COL19A1: variants seen among roughly 807,000 people sequenced by gnomAD.
COL19A1 encodes the protein collagen alpha-1(XIX) chain.
In COL19A1, 159 loss-of-function variants were observed where a neutral mutation model predicts 190.2. The ratio of observed to expected loss-of-function variants is 0.84; its 90% CI spans 0.73 to 0.95. COL19A1 has a LOEUF of 0.95. Ranked by LOEUF, COL19A1 falls within the 40% of genes least tolerant of loss-of-function variation. COL19A1 has a pLI of 0.00. For synonymous variants in COL19A1, 509 were observed against 458.9 expected (o/e 1.11, Z -1.39); for missense variants, 1,418 against 1,431.9 (o/e 0.99, Z 0.16).
At chr6:70,005,810 G>A (rs776725639) in intron 11 of COL19A1, among the ~76,000 whole-genome samples, 3 of 152,120 alleles carry the variant, frequency 2.0e-5, no homozygotes, top group African/African-American at 7.2e-5. Flanking sequence ...CCCTGCCCAG[G>A]GGCTCATGCC....
At chr6:70,100,379 G>T (rs1025395341) in intron 15 of COL19A1, among the ~76,000 whole-genome samples, 1 of 152,044 alleles carries the variant, frequency 6.6e-6, no homozygotes, top group Non-Finnish European at 1.5e-5. Context: ...CTAGAACATG[G>T]TGTACATGTG....
intron 40 of COL19A1, among the ~76,000 whole-genome samples, chr6:70,170,279 A>G (rs964820124): frequency 3.4e-5 from 5 of 145,956 alleles, no homozygotes; most frequent in African/African-American, 4.9e-5. Context: ...TCCTGTAGGG[A>G]AAAATAATAG....
chr6:69,958,302 C>T (rs1304947909), intron 9 of COL19A1, among the ~76,000 whole-genome samples: 1 of 152,084 alleles, frequency 6.6e-6, no homozygotes, highest in Non-Finnish European at 1.5e-5. Context: ...TATGCCATAT[C>T]TCATGATCGT....
chr6:70,009,359 A>G (rs1045394768), intron 11 of COL19A1, among the ~76,000 whole-genome samples: 7 of 152,098 alleles, frequency 4.6e-5, no homozygotes, highest in African/African-American at 1.7e-4. Context: ...TATACAAGCA[A>G]CAATCAATCA....
chr6:69,981,986 C>T (rs1776058721), intron 11 of COL19A1, among the ~76,000 whole-genome samples: 1 of 151,996 alleles, frequency 6.6e-6, no homozygotes, highest in Non-Finnish European at 1.5e-5. Flanking sequence ...CAATAATACA[C>T]AAATGAAATG....
At chr6:70,042,724 T>C (rs1779693217) in intron 14 of COL19A1, among the ~76,000 whole-genome samples, 1 of 152,230 alleles carries the variant, frequency 6.6e-6, no homozygotes, top group Non-Finnish European at 1.5e-5. Flanking sequence ...TTGGAGTCAA[T>C]CCTCTCAAAT....
chr6:70,159,678 A>T (rs980591910), intron 34 of COL19A1, among the ~76,000 whole-genome samples: 24 of 152,160 alleles, frequency 1.6e-4, no homozygotes, highest in Non-Finnish European at 1.5e-5. Flanking sequence ...GATGCAAAGA[A>T]ACTTGATCCA....
chr6:70,167,231 C>A (rs1049644222), intron 37 of COL19A1, among the ~76,000 whole-genome samples: 3 of 152,146 alleles, frequency 2.0e-5, no homozygotes, highest in African/African-American at 7.2e-5. Flanking sequence ...CATACAGAAA[C>A]AATGAAACAG....
At chr6:69,925,567 G>T (rs916317195) in intron 4 of COL19A1, among the ~76,000 whole-genome samples, 2 of 152,070 alleles carry the variant, frequency 1.3e-5, no homozygotes, top group African/African-American at 2.4e-5. Context: ...TTGGCAATGC[G>T]GGCTCTTTTT....
intron 2 of COL19A1, chr6:69,890,787 G>A (rs1250247820): frequency 1.3e-5 from 2 of 153,182 alleles, no homozygotes; most frequent in African/African-American, 4.8e-5. Flanking sequence ...GAGTGGTCAG[G>A]GAAGGCTGCC....
intron 11 of COL19A1, among the ~76,000 whole-genome samples, chr6:70,021,612 C>G (rs1285977657): frequency 1.3e-5 from 2 of 152,072 alleles, no homozygotes; most frequent in Non-Finnish European, 2.9e-5. Flanking sequence ...TATTTGTGAG[C>G]CTTTTAATTC....
chr6:70,133,096 C>T (rs1264734096), intron 18 of COL19A1, among the ~76,000 whole-genome samples: 1 of 152,132 alleles, frequency 6.6e-6, no homozygotes, highest in African/African-American at 2.4e-5. Context: ...ATTCTTAGCA[C>T]CTGGTCTTGC....
chr6:70,142,181 C>T lies in COL19A1; in HGVS notation c.1572+105C>T, dbSNP rs79063536. On this transcript the variant is annotated intron_variant, in intron 22 of 50. Transcript: ENST00000620364. ...ATGCCACTCATTTTCTTCACAAATG[C>T]TCTCCAAGACTTTATCCTGTTTCCA... 0.05 allele frequency: 48,751 copies of T among 969,348 alleles called. 1,474 individuals carry two copies. Among genetic ancestry groups the T allele is most frequent in the Non-Finnish European group, 0.06 (38,472 of 639,532 alleles). The allele number at this position is 969,348 out of a possible 1,614,324, so 60.0% of individuals were successfully genotyped here.
Position 70,034,313 on chromosome 6 carries a change from C to A in COL19A1, c.1134+15C>A, listed in dbSNP as rs761495496. ...AAGGAGAAAAGGTATTGTGTTTACC[C>A]AGCCAAGCCCAACCTTTCTTTAAGA... On this transcript the variant is annotated intron_variant, in intron 13 of 50. Transcript: ENST00000620364. 6.2e-7 allele frequency: 1 copy of A among 1,605,978 alleles called. No homozygotes were observed. The highest frequency in any genetic ancestry group is 8.5e-7 in the Non-Finnish European group (1 of 1,172,648).
At chr6:69,947,791 A>T (rs1296762280) in intron 9 of COL19A1, among the ~76,000 whole-genome samples, 2 of 151,854 alleles carry the variant, frequency 1.3e-5, no homozygotes, top group Non-Finnish European at 2.9e-5. Context: ...GGCTTCATTG[A>T]TGCTACTTTT....
intron 11 of COL19A1, among the ~76,000 whole-genome samples, chr6:70,018,988 G>A (rs75515009): frequency 0.012 from 1,875 of 152,090 alleles, 40 homozygotes; most frequent in East Asian, 0.086. Context: ...GAAAAGTAAT[G>A]GGGAGGATTG....
chr6:70,114,284 G>A (rs563562214), intron 16 of COL19A1, among the ~76,000 whole-genome samples: 5 of 152,138 alleles, frequency 3.3e-5, no homozygotes, highest in South Asian at 4.2e-4. Flanking sequence ...GCTTTAAGAT[G>A]ATTGGTATTT....
chr6:70,206,235 G>T (rs1019284860), intron 49 of COL19A1, among the ~76,000 whole-genome samples: 1 of 152,116 alleles, frequency 6.6e-6, no homozygotes, highest in Non-Finnish European at 1.5e-5. Context: ...CCTTCAATCA[G>T]AATTCCTACT....
chr6:70,042,295 A>G (rs1477318844), intron 14 of COL19A1, among the ~76,000 whole-genome samples: 1 of 152,194 alleles, frequency 6.6e-6, no homozygotes, highest in Non-Finnish European at 1.5e-5. Flanking sequence ...CTTTGGAGAT[A>G]TTACAGGTTC....
Sources: gnomAD v4.1 joint callset for allele counts (sites outside exome capture counted in the v4.1 genomes callset) on GRCh38, gnomAD v4.1.1 for gene constraint, MANE v1.5 for transcripts, NCBI Gene and HGNC (gene_info 2026-07-23, HGNC 2026-07-21) for gene names.